MTMR12: variants seen among roughly 807,000 people sequenced by gnomAD.
The protein encoded by MTMR12 is myotubularin-related protein 12.
A neutral mutation model predicts 96.7 loss-of-function variants in MTMR12; 33 were observed. That is an observed-to-expected ratio of 0.34 (90% CI 0.26 to 0.46). The LOEUF is 0.46. Ranked by LOEUF, MTMR12 falls within the 20% of genes least tolerant of loss-of-function variation. The pLI, the probability that MTMR12 is intolerant of heterozygous loss-of-function variation, is 1.00. For missense variants in MTMR12, 721 were observed against 896.1 expected, an observed-to-expected ratio of 0.80 and a Z score of 2.49; for synonymous variants, 298 against 327.2, an observed-to-expected ratio of 0.91 and a Z score of 0.96.
At chr5:32,251,278 G>A (rs1267619477) in intron 8 of MTMR12, among the ~76,000 whole-genome samples, 1 of 151,878 alleles carries the variant, frequency 6.6e-6, no homozygotes, top group Non-Finnish European at 1.5e-5. Flanking sequence ...TGATCCGCCC[G>A]CCTCGGCCTC....
In MTMR12 at chr5:32,233,455, A is replaced by ACAC. The variant is rs1748080600; in HGVS notation, c.1674+317_1674+318insGTG. Reference sequence around the variant, plus strand: ...CAATCAATGTTCCTTTTACTCTACTAACACACACACACACACAAACACACA... The same window carrying ACAC: ...CAATCAATGTTCCTTTTACTCTACTACACACACACACACACACACAAACACACA... On this transcript the variant is annotated intron_variant, in intron 15 of 15. Coordinates refer to ENST00000382142, the MANE Select transcript of MTMR12 (RefSeq NM_001040446.3). The surrounding 1 kb of genome is among the most constrained non-coding windows in gnomAD (Gnocchi z 5.0). Among the ~76,000 whole-genome samples, 2 of 147,858 alleles carry ACAC rather than the reference A, an allele frequency of 1.4e-5. No homozygotes were observed. Among genetic ancestry groups the ACAC allele is most frequent in the African/African-American group, 5.1e-5 (2 of 38,918 alleles).
chr5:32,231,631 CCTT>C (rs1260097206), intron 15 of MTMR12, among the ~76,000 whole-genome samples: 6 of 152,084 alleles, frequency 3.9e-5, no homozygotes, highest in African/African-American at 1.4e-4. Flanking sequence ...AAAATTATTT[CCTT>C]ATTATGAAAT....
Position 32,228,534 on chromosome 5 carries a change from GATATATATATC to G in MTMR12, c.*1233_*1243del, listed in dbSNP as rs1747824790. On this transcript the variant is annotated 3_prime_UTR_variant, in exon 16 of 16. Coordinates refer to ENST00000382142, the MANE Select transcript of MTMR12 (RefSeq NM_001040446.3). ...TAAAAAAAATATATATCATATATATGATATATATATCATATATATGTGATATATATATATCA... is the reference window on the plus strand; with the variant it reads ...TAAAAAAAATATATATCATATATATGATATATATGTGATATATATATATCA... 2 of 87,524 alleles carry G rather than the reference GATATATATATC, an allele frequency of 2.3e-5. No homozygotes were observed. Among genetic ancestry groups the G allele is most frequent in the African/African-American group, 8.8e-5 (2 of 22,612 alleles). 5.4% of individuals were successfully genotyped at this position (87,524 alleles called of 1,614,324 possible). A position where few individuals can be genotyped will look rare whatever the true frequency, so the allele number is the denominator to read the frequency against.
intron 1 of MTMR12, among the ~76,000 whole-genome samples, chr5:32,310,874 T>C (rs1268287243): frequency 7.3e-6 from 1 of 137,930 alleles, no homozygotes; most frequent in Admixed American, 7.3e-5. Context: ...CAAAGATTTC[T>C]TTCTTTTTTT....
intron 7 of MTMR12, among the ~76,000 whole-genome samples, chr5:32,258,610 A>T (rs1477202523): frequency 6.6e-6 from 1 of 152,170 alleles, no homozygotes; most frequent in African/African-American, 2.4e-5. Context: ...CAACCTACTG[A>T]GTCAGATTCT....
chr5:32,240,496 T>C (rs1387438040), intron 12 of MTMR12, among the ~76,000 whole-genome samples: 2 of 151,878 alleles, frequency 1.3e-5, no homozygotes, highest in Non-Finnish European at 2.9e-5. Context: ...GCACTATGGG[T>C]CCAAGCTTAC....
rs1382331017 is a variant in MTMR12, at chr5:32,233,469, C to A, written c.1674+304G>T. On this transcript the variant is annotated intron_variant, in intron 15 of 15. Transcript: ENST00000382142. The surrounding 1 kb of genome is among the most constrained non-coding windows in gnomAD (Gnocchi z 5.0). The stretch of plus-strand genomic sequence containing the variant: ...TTTACTCTACTAACACACACACACA[C>A]ACAAACACACACACACACACACACA... Among the ~76,000 whole-genome samples the A allele has an allele frequency of 1.5e-5, 2 of 133,536 alleles. No individual in the cohort carries two copies. Among genetic ancestry groups the A allele is most frequent in the African/African-American group, 5.2e-5 (2 of 38,156 alleles). The allele number at this position is 133,536 out of a possible 152,430, so 87.6% of individuals were successfully genotyped here.
At chr5:32,308,140 G>A (rs961986290) in intron 1 of MTMR12, among the ~76,000 whole-genome samples, 1 of 152,140 alleles carries the variant, frequency 6.6e-6, no homozygotes. Context: ...TGGCCAATAT[G>A]GTGAAACCCC....
intron 7 of MTMR12, among the ~76,000 whole-genome samples, chr5:32,256,312 C>T (rs1749129341): frequency 6.6e-6 from 1 of 152,152 alleles, no homozygotes; most frequent in Non-Finnish European, 1.5e-5. Context: ...CATTACTTAT[C>T]GATTTAATCT....
intron 1 of MTMR12, among the ~76,000 whole-genome samples, chr5:32,299,808 A>G (rs910444798): frequency 2.6e-5 from 4 of 152,212 alleles, no homozygotes; most frequent in African/African-American, 7.2e-5. Flanking sequence ...CACACCTTAC[A>G]TAAGAGATGG....
At chr5:32,266,632 G>A (rs1165069935) in intron 6 of MTMR12, among the ~76,000 whole-genome samples, 6 of 151,264 alleles carry the variant, frequency 4.0e-5, no homozygotes, top group Non-Finnish European at 5.9e-5. Context: ...AGGTTGCAGT[G>A]AGCCGAGATC....
At chr5:32,308,841 G>A (rs1751460414) in intron 1 of MTMR12, among the ~76,000 whole-genome samples, 1 of 152,080 alleles carries the variant, frequency 6.6e-6, no homozygotes, top group Admixed American at 6.6e-5. Context: ...TTGGCCTCAT[G>A]ATCCACCCAC....
chr5:32,268,723 C>A lies in MTMR12; in HGVS notation c.561G>T (p.Ala187=), dbSNP rs151190959. The change falls in exon 6 of 16, where the codon GCG becomes GCT. Residue 187 remains alanine, a synonymous_variant. Transcript: ENST00000382142. ...TACCTGTATTGTTTTGTGCAGCAGT[C>A]GCATAGGAAAACAGAAATAATCGTT... The part of the protein sequence containing the change: ...LLKRLFLFSY[A]TAAQNNTVTD... 1 of 1,613,604 alleles carries A rather than the reference C, an allele frequency of 6.2e-7. No homozygotes were observed. Among genetic ancestry groups the A allele is most frequent in the Non-Finnish European group, 8.5e-7 (1 of 1,179,672 alleles).
chr5:32,301,816 A>G (rs1186901266), intron 1 of MTMR12, among the ~76,000 whole-genome samples: 2 of 152,074 alleles, frequency 1.3e-5, no homozygotes, highest in African/African-American at 2.4e-5. Flanking sequence ...ATCGCTTGAA[A>G]CTGGGAGGCA....
intron 1 of MTMR12, among the ~76,000 whole-genome samples, chr5:32,291,406 G>C (rs1750733343): frequency 6.6e-6 from 1 of 152,202 alleles, no homozygotes; most frequent in Non-Finnish European, 1.5e-5. Context: ...GTAGCCAATG[G>C]TTTGGCTGGA....
At chr5:32,305,619 C>T (rs1039765407) in intron 1 of MTMR12, among the ~76,000 whole-genome samples, 4 of 152,108 alleles carry the variant, frequency 2.6e-5, no homozygotes, top group East Asian at 1.9e-4. Context: ...TCTGGGATAC[C>T]GCGGCCGGGC....
chr5:32,303,158 G>C (rs1751214007), intron 1 of MTMR12, among the ~76,000 whole-genome samples: 1 of 152,186 alleles, frequency 6.6e-6, no homozygotes, highest in Non-Finnish European at 1.5e-5. Flanking sequence ...TCCTGTGCTA[G>C]GGGCTTTACA....
rs1422603256 is a variant in MTMR12 at position 32,227,620 on chromosome 5, A to C, written c.*2158T>G. The C allele has an allele frequency of 1.3e-5, 2 of 152,686 alleles. No individual in the cohort carries two copies. The highest frequency in any genetic ancestry group is 4.8e-5 in the African/African-American group (2 of 41,474). 9.5% of individuals were successfully genotyped at this position (152,686 alleles called of 1,614,324 possible). ...AAAGCCTGAAGAGGCTACTGTATAA[A>C]TATTCACGTTATAACGTGGTAACAA... is the stretch of plus-strand genomic sequence containing the variant. On this transcript the variant is annotated 3_prime_UTR_variant, in exon 16 of 16. Transcript: ENST00000382142.
rs1747879320 is a variant in MTMR12 at position 32,228,924 on chromosome 5, T to C, written c.*854A>G. ...AAGTAGAAAAAGGCGAAGCGATTTG[T>C]TCCAAACAAGGAGAGACTCCAGAGG... On this transcript the variant is annotated 3_prime_UTR_variant, in exon 16 of 16. Transcript: ENST00000382142. 1 of 151,890 alleles carries C rather than the reference T, an allele frequency of 6.6e-6. No individual in the cohort carries two copies. Among genetic ancestry groups the C allele is most frequent in the Non-Finnish European group, 1.5e-5 (1 of 68,028 alleles). 9.4% of individuals were successfully genotyped at this position (151,890 alleles called of 1,614,324 possible).
Sources: gnomAD v4.1 joint callset for allele counts (sites outside exome capture counted in the v4.1 genomes callset) on GRCh38, gnomAD v4.1.1 for gene constraint, Gnocchi (gnomAD v3.1) non-coding constraint, MANE v1.5 for transcripts, NCBI Gene and HGNC (gene_info 2026-07-23, HGNC 2026-07-21) for gene names.